Variants in EIF4EBP1 observed in about 807,000 individuals in gnomAD.
EIF4EBP1 encodes the protein eukaryotic translation initiation factor 4E-binding protein 1.
EIF4EBP1 carries 5 observed loss-of-function variants against 9.2 expected under a neutral mutation model. That is an observed-to-expected ratio of 0.54 (90% CI 0.28 to 1.14). The LOEUF (loss-of-function observed/expected upper bound fraction) is 1.14. Among genes scored for constraint, EIF4EBP1 ranks in the 50% most tolerant of loss-of-function variants. The probability of loss-of-function intolerance (pLI) is 0.09; values close to 1 mark genes in which losing one functional copy is unlikely to be tolerated. For missense variants in EIF4EBP1, 139 were observed against 169.6 expected (o/e 0.82, Z 1.00); for synonymous variants, 62 against 67.0 (o/e 0.93, Z 0.36).
chr8:38,056,659 C>G (rs1291579785), intron 1 of EIF4EBP1, among the ~76,000 whole-genome samples: 1 of 146,846 alleles, frequency 6.8e-6, no homozygotes, highest in African/African-American at 2.5e-5. Flanking sequence ...CCTCACTACT[C>G]TGGCTTTTTT....
At chr8:38,055,104 C>T (rs1307922216) in intron 1 of EIF4EBP1, among the ~76,000 whole-genome samples, 1 of 152,118 alleles carries the variant, frequency 6.6e-6, no homozygotes, top group Non-Finnish European at 1.5e-5. Flanking sequence ...GGGGCCACAG[C>T]CAGACTAGAG....
chr8:38,054,250 G>A (rs1164200988), intron 1 of EIF4EBP1, among the ~76,000 whole-genome samples: 2 of 152,158 alleles, frequency 1.3e-5, no homozygotes, highest in African/African-American at 2.4e-5. Flanking sequence ...AGGAGTTCAA[G>A]ACCAGCTTGG....
At chr8:38,056,978 A>T in intron 1 of EIF4EBP1, 103 bp from the exon 2 acceptor site, 1 of 1,291,412 alleles carries the variant, frequency 7.7e-7, no homozygotes, top group Non-Finnish European at 1.1e-6. Context: ...TGGGTTTTTC[A>T]GGAGAATCTG....
Position 38,059,969 on chromosome 8 carries a change from G to GC in EIF4EBP1, c.*38dup. 4 of 1,478,366 alleles carry GC rather than the reference G, an allele frequency of 2.7e-6. No individual in the cohort carries two copies. The highest frequency in any genetic ancestry group is 2.7e-6 in the Non-Finnish European group (3 of 1,108,278). 91.6% of individuals were successfully genotyped at this position (1,478,366 alleles called of 1,614,324 possible). On this transcript the variant is annotated 3_prime_UTR_variant, in exon 3 of 3. Transcript: ENST00000338825. Reference sequence around the variant, plus strand: ...CCATCGTGTGGAGCACTACCAAGGGGCCCCTCAGGGCCTTCCTGGGAGGAG... The same window carrying GC: ...CCATCGTGTGGAGCACTACCAAGGGGCCCCCTCAGGGCCTTCCTGGGAGGAG...
At chr8:38,050,190 A>G (rs774710438) in intron 1 of EIF4EBP1, among the ~76,000 whole-genome samples, 3 of 152,052 alleles carry the variant, frequency 2.0e-5, no homozygotes, top group Non-Finnish European at 4.4e-5. Flanking sequence ...GGGGTTGTAT[A>G]CGTGAACCAC....
At position 38,043,642 on chromosome 8, in the gene EIF4EBP1, G is replaced by A. The variant is rs774320780; in HGVS notation, c.145+12924G>A. On this transcript the variant is annotated intron_variant, in intron 1 of 2. Coordinates refer to ENST00000338825, the MANE Select transcript of EIF4EBP1 (RefSeq NM_004095.4). ...ATAACAGGTGTGAGCTATCACACCT[G>A]GCCTGAAGCCAATTTTCAAAGAAAC... is the stretch of plus-strand genomic sequence containing the variant. 2.3e-4 allele frequency among the ~76,000 whole-genome samples: 35 copies of A among 152,134 alleles called. No homozygotes were observed. In the South Asian group the frequency reaches 2.7e-3, roughly 12 times the overall value.
At chr8:38,035,290 A>T (rs148657164) in intron 1 of EIF4EBP1, among the ~76,000 whole-genome samples, 3,580 of 150,842 alleles carry the variant, frequency 0.024, 145 homozygotes, top group African/African-American at 0.081. Flanking sequence ...CAATCTTGGC[A>T]CACTGCAACC....
intron 1 of EIF4EBP1, among the ~76,000 whole-genome samples, chr8:38,032,589 A>G (rs146940422): frequency 2.0e-5 from 3 of 152,316 alleles, no homozygotes; most frequent in African/African-American, 7.2e-5. Flanking sequence ...GGGCTGACAG[A>G]CCACAGCAAA....
intron 1 of EIF4EBP1, among the ~76,000 whole-genome samples, chr8:38,040,040 T>A (rs1410701919): frequency 6.6e-6 from 1 of 151,970 alleles, no homozygotes; most frequent in Non-Finnish European, 1.5e-5. Context: ...AGGCACATGC[T>A]ACCACACCTG....
rs376179372 is a variant in EIF4EBP1 at position 38,041,996 on chromosome 8, GA to G, written c.145+11289del. 3.9e-3 allele frequency among the ~76,000 whole-genome samples: 559 copies of G among 142,180 alleles called. 2 individuals are homozygous for G. The highest frequency in any genetic ancestry group is 0.012 in the African/African-American group (455 of 39,094). The allele number at this position is 142,180 out of a possible 152,430, so 93.3% of individuals were successfully genotyped here. A position where few individuals can be genotyped will look rare whatever the true frequency, so the allele number is the denominator to read the frequency against. On this transcript the variant is annotated intron_variant, in intron 1 of 2. Coordinates refer to ENST00000338825, the MANE Select transcript of EIF4EBP1 (RefSeq NM_004095.4). ...AATAGAGTGAGACCCTGTCTCAGAAGAAAAAAAAAAAGCAAACCACACAGGT... is the reference window on the plus strand; with the variant it reads ...AATAGAGTGAGACCCTGTCTCAGAAGAAAAAAAAAAGCAAACCACACAGGT...
chr8:38,048,059 G>T (rs1430594494), intron 1 of EIF4EBP1, among the ~76,000 whole-genome samples: 1 of 151,952 alleles, frequency 6.6e-6, no homozygotes, highest in Non-Finnish European at 1.5e-5. Flanking sequence ...TTGAGCCCAG[G>T]AGTTCCAGCC....
intron 1 of EIF4EBP1, among the ~76,000 whole-genome samples, chr8:38,049,795 T>G (rs1809494678): frequency 6.6e-6 from 1 of 152,136 alleles, no homozygotes; most frequent in African/African-American, 2.4e-5. Context: ...CTTCATATTT[T>G]TAAAGTAAAT....
intron 1 of EIF4EBP1, among the ~76,000 whole-genome samples, chr8:38,056,171 T>G (rs566426052): frequency 6.6e-6 from 1 of 152,210 alleles, no homozygotes; most frequent in South Asian, 2.1e-4. Context: ...TTTAACATTT[T>G]TGTAGAGATG....
intron 1 of EIF4EBP1, among the ~76,000 whole-genome samples, chr8:38,046,611 A>G (rs1809452317): frequency 6.6e-6 from 1 of 152,240 alleles, no homozygotes; most frequent in Non-Finnish European, 1.5e-5. Context: ...GATAATAACT[A>G]GAATTGTATG....
intron 1 of EIF4EBP1, among the ~76,000 whole-genome samples, chr8:38,050,425 T>C (rs985821063): frequency 6.6e-6 from 1 of 152,168 alleles, no homozygotes; most frequent in Admixed American, 6.6e-5. Flanking sequence ...CTTAGCTCAC[T>C]GCAGCCTTGG....
chr8:38,051,987 A>G (rs1809530600), intron 1 of EIF4EBP1, among the ~76,000 whole-genome samples: 1 of 152,086 alleles, frequency 6.6e-6, no homozygotes, highest in South Asian at 2.1e-4. Flanking sequence ...TGGCCTCCCA[A>G]ACTGTTGGGA....
rs372784811 is a variant in EIF4EBP1 at position 38,060,006 on chromosome 8, AG to A, written c.*73del. 1.3e-5 allele frequency: 20 copies of A among 1,485,078 alleles called. No homozygotes were observed. The African/African-American group carries it at 1.9e-4, about 14-fold the overall frequency. The allele number at this position is 1,485,078 out of a possible 1,614,324, so 92.0% of individuals were successfully genotyped here. A position where few individuals can be genotyped will look rare whatever the true frequency, so the allele number is the denominator to read the frequency against. On this transcript the variant is annotated 3_prime_UTR_variant, in exon 3 of 3. Transcript: ENST00000338825. The stretch of plus-strand genomic sequence containing the variant: ...CTTCCTGGGAGGAGTCCCACCAGCC[AG>A]GCCTTATGAAAGTGATCATACTGGG...
chr8:38,059,347 C>T (rs1468477834), intron 2 of EIF4EBP1, among the ~76,000 whole-genome samples: 5 of 152,162 alleles, frequency 3.3e-5, no homozygotes, highest in Non-Finnish European at 4.4e-5. Flanking sequence ...TGTGACATGC[C>T]TGCTCCCGCT....
rs1451277699 is a variant in EIF4EBP1 at position 38,059,979 on chromosome 8, G to A, written c.*44G>A. 1 of 1,465,548 alleles carries A rather than the reference G, an allele frequency of 6.8e-7. No homozygotes were observed. Among genetic ancestry groups the A allele is most frequent in the Non-Finnish European group, 9.1e-7 (1 of 1,098,376 alleles). The allele number at this position is 1,465,548 out of a possible 1,614,324, so 90.8% of individuals were successfully genotyped here. The stretch of plus-strand genomic sequence containing the variant: ...GAGCACTACCAAGGGGCCCCTCAGG[G>A]CCTTCCTGGGAGGAGTCCCACCAGC... On this transcript the variant is annotated 3_prime_UTR_variant, in exon 3 of 3. Transcript: ENST00000338825.
Sources: gnomAD v4.1 joint callset for allele counts (sites outside exome capture counted in the v4.1 genomes callset) on GRCh38, gnomAD v4.1.1 for gene constraint, MANE v1.5 for transcripts, NCBI Gene and HGNC (gene_info 2026-07-23, HGNC 2026-07-21) for gene names.